The following CCDC201 variants were observed in gnomAD, a reference collection of about 807,000 sequenced individuals.
The protein encoded by CCDC201 is coiled-coil domain containing 201.
chr7:45,873,330 T>C (rs565994900), upstream of CCDC201, among the ~76,000 whole-genome samples: 20 of 122,248 alleles, frequency 1.6e-4, no homozygotes, highest in African/African-American at 6.3e-4. Context: ...ATGTGCATCA[T>C]AACCACCTAC....
chr7:45,874,742 C>T (rs777011975), upstream of CCDC201, among the ~76,000 whole-genome samples: 3 of 152,188 alleles, frequency 2.0e-5, no homozygotes, highest in Admixed American at 6.5e-5. Flanking sequence ...GCAACACAGC[C>T]GGGTGACTGG....
At chr7:45,878,890 C>G in the CCDC201 span, among the ~76,000 whole-genome samples, 51 of 152,360 alleles carry the variant, frequency 3.3e-4, no homozygotes, top group East Asian at 9.6e-4. Context: ...CAAACTTTTT[C>G]ACTCTGCTTC....
upstream of CCDC201, among the ~76,000 whole-genome samples, chr7:45,873,435 T>C (rs1048019401): frequency 1.1e-4 from 17 of 150,508 alleles, no homozygotes; most frequent in Non-Finnish European, 2.2e-4. Context: ...CCACAACCAC[T>C]GGACTACAAG....
At chr7:45,864,208 C>A (rs6956740) in intron 2 of CCDC201, among the ~76,000 whole-genome samples, 2 of 152,070 alleles carry the variant, frequency 1.3e-5, no homozygotes, top group Admixed American at 6.5e-5. Flanking sequence ...TTTGTCACAG[C>A]GACTGAGGAA....
chr7:45,875,012 A>G (rs956839167), upstream of CCDC201, among the ~76,000 whole-genome samples: 1 of 152,236 alleles, frequency 6.6e-6, no homozygotes, highest in South Asian at 2.1e-4. Context: ...AGCCAGGAAA[A>G]GGACACTGAT....
the CCDC201 span, among the ~76,000 whole-genome samples, chr7:45,881,444 G>A: frequency 2.6e-5 from 4 of 152,208 alleles, no homozygotes; most frequent in African/African-American, 4.8e-5. Context: ...TCTCCTAGGC[G>A]GCTTGCCTAG....
chr7:45,863,504 G>A (rs1221425785), intron 2 of CCDC201, among the ~76,000 whole-genome samples: 6 of 152,302 alleles, frequency 3.9e-5, no homozygotes, highest in South Asian at 4.1e-4. Context: ...ACGAGCCTGC[G>A]TGGGAACAGG....
At chr7:45,884,703 C>G in the CCDC201 span, among the ~76,000 whole-genome samples, 1 of 152,262 alleles carries the variant, frequency 6.6e-6, no homozygotes, top group Non-Finnish European at 1.5e-5. Context: ...ACTTACCCTC[C>G]AAGACCAGCC....
chr7:45,876,261 G>A (rs1350931940), upstream of CCDC201, among the ~76,000 whole-genome samples: 1 of 152,128 alleles, frequency 6.6e-6, no homozygotes, highest in East Asian at 1.9e-4. Flanking sequence ...TAACTCAAAT[G>A]ACTACCATGA....
chr7:45,872,697 C>T (rs1786755517), intron 1 of CCDC201, among the ~76,000 whole-genome samples: 1 of 152,160 alleles, frequency 6.6e-6, no homozygotes, highest in Non-Finnish European at 1.5e-5. Flanking sequence ...GATGTGGAAG[C>T]CCAAGGGCTC....
At chr7:45,867,851 G>A (rs1030729514) in intron 1 of CCDC201, among the ~76,000 whole-genome samples, 1 of 152,302 alleles carries the variant, frequency 6.6e-6, no homozygotes, top group Non-Finnish European at 1.5e-5. Context: ...TTTGGGGGAG[G>A]CACAGCTAGA....
At chr7:45,863,917 C>T (rs1028326745) in intron 2 of CCDC201, among the ~76,000 whole-genome samples, 2 of 152,140 alleles carry the variant, frequency 1.3e-5, no homozygotes, top group Admixed American at 6.5e-5. Context: ...CAGGAGCCAC[C>T]GGGAGGCGTC....
intron 1 of CCDC201, among the ~76,000 whole-genome samples, chr7:45,872,072 A>G (rs1019263814): frequency 6.6e-6 from 1 of 152,210 alleles, no homozygotes; most frequent in Non-Finnish European, 1.5e-5. Flanking sequence ...ATGTTTCCTT[A>G]TGGTGGGGAA....
intron 1 of CCDC201, among the ~76,000 whole-genome samples, chr7:45,867,785 A>G (rs1232946642): frequency 6.6e-6 from 1 of 152,246 alleles, no homozygotes; most frequent in African/African-American, 2.4e-5. Context: ...GGACGTCACC[A>G]CTTTGCTAAA....
At chr7:45,875,357 T>A (rs868559963), upstream of CCDC201, among the ~76,000 whole-genome samples, 1 of 148,612 alleles carries the variant, frequency 6.7e-6, no homozygotes, top group African/African-American at 2.5e-5. Flanking sequence ...TAGCCAGGCA[T>A]GGTGGTGTGC....
At chr7:45,865,213 A>G (rs1414594736) in intron 2 of CCDC201, among the ~76,000 whole-genome samples, 2 of 152,254 alleles carry the variant, frequency 1.3e-5, no homozygotes, top group South Asian at 2.1e-4. Context: ...GCACCTCCCA[A>G]CTGGCTGCTA....
the CCDC201 span, among the ~76,000 whole-genome samples, chr7:45,882,845 A>G: frequency 6.6e-6 from 1 of 152,196 alleles, no homozygotes; most frequent in Non-Finnish European, 1.5e-5. Context: ...CATGTCTAGC[A>G]CTGAAAGCTT....
At chr7:45,868,802 T>C (rs988762159) in intron 1 of CCDC201, among the ~76,000 whole-genome samples, 10 of 152,188 alleles carry the variant, frequency 6.6e-5, no homozygotes, top group African/African-American at 2.4e-4. Context: ...ATTTTCTAAG[T>C]GAATTCCTCT....
At chr7:45,877,767 G>A (rs28524653), upstream of CCDC201, among the ~76,000 whole-genome samples, 15,560 of 152,166 alleles carry the variant, frequency 0.1, 980 homozygotes, top group East Asian at 0.2. Context: ...GAGCCAAACC[G>A]TGTCATTCTG....
Sources: gnomAD v4.1 joint callset for allele counts (sites outside exome capture counted in the v4.1 genomes callset) on GRCh38, gnomAD v4.1.1 for gene constraint, MANE v1.5 for transcripts, NCBI Gene and HGNC (gene_info 2026-07-23, HGNC 2026-07-21) for gene names.